AGMO: variants seen among roughly 807,000 people sequenced by gnomAD.
AGMO encodes glyceryl-ether monooxygenase.
AGMO carries 75 observed loss-of-function variants against 60.2 expected under a neutral mutation model. That is an observed-to-expected ratio of 1.25 (90% CI 1.03 to 1.51). The LOEUF (loss-of-function observed/expected upper bound fraction) is 1.51, where lower values mean the gene tolerates loss of function less well. Among genes scored for constraint, AGMO ranks in the 40% most tolerant of loss-of-function variants. The pLI is 0.00. For missense variants in AGMO, 763 were observed against 525.5 expected, an observed-to-expected ratio of 1.45 and a Z score of -4.42; for synonymous variants, 261 against 177.1, an observed-to-expected ratio of 1.47 and a Z score of -3.76.
intron 7 of AGMO, 44 bp from the exon 8 acceptor site, chr7:15,390,794 G>A: frequency 1.3e-6 from 2 of 1,574,220 alleles, no homozygotes; most frequent in Non-Finnish European, 8.7e-7. Flanking sequence ...TTCCTGTAAA[G>A]TAAAGGAGCT....
chr7:15,356,811 T>C (rs1782548390), intron 12 of AGMO, among the ~76,000 whole-genome samples: 1 of 151,950 alleles, frequency 6.6e-6, no homozygotes, highest in South Asian at 2.1e-4. Context: ...TTGTACACTT[T>C]ATAAAAATAT....
Position 15,273,236 on chromosome 7 carries a change from C to G in AGMO, c.1264-71877G>C, listed in dbSNP as rs968599211. On this transcript the variant is annotated intron_variant, in intron 12 of 12. Coordinates refer to ENST00000342526, the MANE Select transcript of AGMO (RefSeq NM_001004320.2). ...GTCCTGAATGGTATCGCCTAGCTTT[C>G]CTTCTAGGATTTTTATGGTTTTAGG... 3.9e-5 allele frequency among the ~76,000 whole-genome samples: 6 copies of G among 152,124 alleles called. No homozygotes were observed. The East Asian group carries it at 1.2e-3, about 29-fold the overall frequency.
chr7:15,471,161 T>G (rs1782442224), intron 3 of AGMO, among the ~76,000 whole-genome samples: 1 of 151,964 alleles, frequency 6.6e-6, no homozygotes, highest in Admixed American at 6.6e-5. Flanking sequence ...TTATCATTTT[T>G]CCATTTCCTC....
At chr7:15,317,869 G>T (rs954728287) in intron 12 of AGMO, among the ~76,000 whole-genome samples, 1 of 124,852 alleles carries the variant, frequency 8.0e-6, no homozygotes, top group African/African-American at 3.1e-5. Context: ...ACACACACAC[G>T]TATATATATA....
At chr7:15,398,426 C>T (rs1784469309) in intron 5 of AGMO, among the ~76,000 whole-genome samples, 1 of 152,112 alleles carries the variant, frequency 6.6e-6, no homozygotes, top group Admixed American at 6.5e-5. Flanking sequence ...CCTGGTAGTG[C>T]CTATGAGTAC....
chr7:15,469,316 C>G (rs1024920556), intron 3 of AGMO, among the ~76,000 whole-genome samples: 1 of 151,922 alleles, frequency 6.6e-6, no homozygotes, highest in Non-Finnish European at 1.5e-5. Flanking sequence ...TGTATTACAG[C>G]TCAGGAAAGT....
At chr7:15,157,109 T>A in the AGMO span, among the ~76,000 whole-genome samples, 9 of 152,280 alleles carry the variant, frequency 5.9e-5, no homozygotes, top group South Asian at 2.1e-4. Context: ...TTTATTATTA[T>A]TAATAATAAC....
At chr7:15,297,167 C>G (rs959346698) in intron 12 of AGMO, among the ~76,000 whole-genome samples, 3 of 152,120 alleles carry the variant, frequency 2.0e-5, no homozygotes, top group African/African-American at 7.2e-5. Flanking sequence ...TCACCAGTAA[C>G]CCTTTCTTAG....
chr7:15,458,230 C>A (rs1012100635), intron 3 of AGMO, among the ~76,000 whole-genome samples: 3 of 152,090 alleles, frequency 2.0e-5, no homozygotes, highest in Non-Finnish European at 2.9e-5. Context: ...CAAGGAAAAA[C>A]CAGAACAAAT....
At chr7:15,249,448 T>C (rs758165529) in intron 12 of AGMO, among the ~76,000 whole-genome samples, 1 of 152,212 alleles carries the variant, frequency 6.6e-6, no homozygotes, top group Non-Finnish European at 1.5e-5. Context: ...TATTTTGTTA[T>C]TTAGAGTGTA....
At chr7:15,330,876 T>C (rs551354698) in intron 12 of AGMO, among the ~76,000 whole-genome samples, 1 of 152,224 alleles carries the variant, frequency 6.6e-6, no homozygotes, top group Admixed American at 6.5e-5. Flanking sequence ...TAATGATCTA[T>C]ATTTTATGGC....
the AGMO span, among the ~76,000 whole-genome samples, chr7:15,193,889 T>C: frequency 6.6e-6 from 1 of 152,190 alleles, no homozygotes; most frequent in African/African-American, 2.4e-5. Context: ...ACATCAATTG[T>C]ACAACAAATA....
intron 3 of AGMO, among the ~76,000 whole-genome samples, chr7:15,506,543 G>A (rs1562541720): frequency 6.6e-6 from 1 of 151,948 alleles, no homozygotes; most frequent in Non-Finnish European, 1.5e-5. Flanking sequence ...GTTTATGACT[G>A]TTTTTGTTTT....
At chr7:15,482,192 C>T (rs1485829932) in intron 3 of AGMO, among the ~76,000 whole-genome samples, 1 of 150,952 alleles carries the variant, frequency 6.6e-6, no homozygotes, top group African/African-American at 2.4e-5. Flanking sequence ...AAACAGGAAA[C>T]AAATGTGTGG....
At chr7:15,335,134 T>C (rs1027337051) in intron 12 of AGMO, among the ~76,000 whole-genome samples, 5 of 152,168 alleles carry the variant, frequency 3.3e-5, no homozygotes, top group Non-Finnish European at 5.9e-5. Flanking sequence ...GTGTTCCATT[T>C]CTTAACTGGT....
intron 12 of AGMO, among the ~76,000 whole-genome samples, chr7:15,241,256 C>A (rs570721970): frequency 6.6e-6 from 1 of 151,424 alleles, no homozygotes; most frequent in East Asian, 2.0e-4. Context: ...GTCAGGAGAT[C>A]GAGACCATCC....
chr7:15,460,359 G>A (rs6461183), intron 3 of AGMO, among the ~76,000 whole-genome samples: 120,724 of 151,954 alleles, frequency 0.79, 48,971 homozygotes, highest in African/African-American at 0.87. Context: ...TTTTCTTAAT[G>A]AAACTTTTGT....
intron 12 of AGMO, among the ~76,000 whole-genome samples, chr7:15,347,321 T>C (rs1055328454): frequency 5.3e-5 from 8 of 152,114 alleles, no homozygotes; most frequent in Non-Finnish European, 8.8e-5. Context: ...CATTTGTGAA[T>C]TGTAAATGCC....
chr7:15,358,771 G>A (rs1466525178), intron 12 of AGMO, among the ~76,000 whole-genome samples: 1 of 152,118 alleles, frequency 6.6e-6, no homozygotes, highest in Non-Finnish European at 1.5e-5. Flanking sequence ...GCAAGAGAAG[G>A]ACAAGGAAGC....
Sources: allele counts gnomAD v4.1 joint callset (sites outside exome capture counted in the v4.1 genomes callset), GRCh38; gene constraint gnomAD v4.1.1; transcripts MANE v1.5; gene names NCBI Gene and HGNC (gene_info 2026-07-23, HGNC 2026-07-21).